Variants in COL24A1 observed in about 807,000 individuals in gnomAD.
The protein encoded by COL24A1 is collagen alpha-1(XXIV) chain.
Under a neutral mutation model 253.9 loss-of-function variants are expected in COL24A1, and 224 were observed. That is an observed-to-expected ratio of 0.88 (90% CI 0.79 to 0.99). The LOEUF (loss-of-function observed/expected upper bound fraction) is 0.99. Among genes scored for constraint, COL24A1 ranks in the 50% least tolerant of loss-of-function variants. The pLI is 0.00. For synonymous variants in COL24A1, 685 were observed against 673.7 expected (o/e 1.02, Z -0.26); for missense variants, 2,131 against 2,068.5 (o/e 1.03, Z -0.59).
chr1:86,118,209 C>T lies in COL24A1; in HGVS notation c.1492-2831G>A, dbSNP rs1404163653. The stretch of plus-strand genomic sequence containing the variant: ...TCTCGAGTAGCTGGGATTACAGGTG[C>T]GTGCCACCATGCCCAGCTAATTTTT... On this transcript the variant is annotated intron_variant, in intron 3 of 59. Coordinates refer to ENST00000370571, the MANE Select transcript of COL24A1 (RefSeq NM_152890.7). Among the ~76,000 whole-genome samples, 5 of 151,914 alleles carry T rather than the reference C, an allele frequency of 3.3e-5. No homozygotes were observed. In the East Asian group the frequency reaches 5.8e-4, roughly 18 times the overall value.
chr1:86,142,188 G>T (rs1292239809), intron 2 of COL24A1, among the ~76,000 whole-genome samples: 2 of 141,764 alleles, frequency 1.4e-5, no homozygotes, highest in African/African-American at 2.6e-5. Flanking sequence ...AGAACAGGAT[G>T]AAAAAAAAAA....
rs1402886665 is a variant in COL24A1 at position 86,124,846 on chromosome 1, G to T, written c.1490C>A (p.Pro497His). ...LRGPKGDTGP[P>H]GPPGPAGIPG... ...GATATTAAAAAAAAAAAAACTTACG[G>T]GAGGTCCAGTGTCTCCTTTTGGCCC... is the stretch of plus-strand genomic sequence containing the variant. Residue 497 changes from proline to histidine, a missense_variant and splice_region_variant, in exon 3 of 60, where the codon CCC (proline) becomes CAC (histidine). Physicochemically the swap from Pro to His is moderately conservative, Grantham distance 77. Coordinates refer to ENST00000370571, the MANE Select transcript of COL24A1 (RefSeq NM_152890.7). 1.3e-6 allele frequency: 2 copies of T among 1,529,424 alleles called. No individual in the cohort carries two copies. The highest frequency in any genetic ancestry group is 1.7e-6 in the Non-Finnish European group (2 of 1,148,730). 94.7% of individuals were successfully genotyped at this position (1,529,424 alleles called of 1,614,324 possible).
chr1:86,089,141 GAAA>G (rs775614663), intron 7 of COL24A1, 30 bp downstream of exon 7: 1 of 1,434,314 alleles, frequency 7.0e-7, no homozygotes, highest in Non-Finnish European at 9.4e-7. Flanking sequence ...AAAAAAAGAA[GAAA>G]AAAAGAAAAG....
chr1:85,978,426 G>A (rs1307145853), intron 20 of COL24A1, among the ~76,000 whole-genome samples: 2 of 151,618 alleles, frequency 1.3e-5, no homozygotes, highest in Non-Finnish European at 2.9e-5. Context: ...TCCACTTATG[G>A]CAGAATGAAA....
At chr1:85,939,374 T>C (rs1558731708) in intron 24 of COL24A1, among the ~76,000 whole-genome samples, 1 of 152,186 alleles carries the variant, frequency 6.6e-6, no homozygotes, top group Non-Finnish European at 1.5e-5. Flanking sequence ...GTAAGAACTG[T>C]TGCTATCCTT....
intron 53 of COL24A1, among the ~76,000 whole-genome samples, chr1:85,771,499 T>C (rs574845053): frequency 6.6e-6 from 1 of 152,242 alleles, no homozygotes; most frequent in East Asian, 1.9e-4. Context: ...TCCAGTCTAC[T>C]ACTGATGGAC....
At chr1:85,741,121 A>G (rs1664587316) in intron 57 of COL24A1, among the ~76,000 whole-genome samples, 1 of 149,606 alleles carries the variant, frequency 6.7e-6, no homozygotes, top group Non-Finnish European at 1.5e-5. Flanking sequence ...TCTGCCTCAA[A>G]AAAAAAAAAA....
At chr1:85,758,107 G>C (rs960633224) in intron 55 of COL24A1, among the ~76,000 whole-genome samples, 1 of 152,150 alleles carries the variant, frequency 6.6e-6, no homozygotes, top group East Asian at 1.9e-4. Context: ...GTGAAGAGCA[G>C]ATCTAGTCTA....
At position 85,743,848 on chromosome 1, in the gene COL24A1, T is replaced by C. The variant is rs553093064; in HGVS notation, c.4672+818A>G. Among the ~76,000 whole-genome samples, 103 of 152,268 alleles carry C rather than the reference T, an allele frequency of 6.8e-4. 3 individuals carry two copies. In the South Asian group the frequency reaches 0.021, roughly 30 times the overall value. ...AATGTAAACAAAATGAATGTTTTCATTGAAGTTCTAGAACGGAAGCAGATG... is the reference window on the plus strand; with the variant it reads ...AATGTAAACAAAATGAATGTTTTCACTGAAGTTCTAGAACGGAAGCAGATG... On this transcript the variant is annotated intron_variant, in intron 57 of 59. Transcript: ENST00000370571.
chr1:85,998,043 T>C (rs1315428660), intron 19 of COL24A1, among the ~76,000 whole-genome samples: 4 of 152,180 alleles, frequency 2.6e-5, no homozygotes, highest in African/African-American at 9.6e-5. Context: ...CATACACTCC[T>C]GGACTTCCTG....
At chr1:85,844,659 C>T (rs529086298) in intron 39 of COL24A1, among the ~76,000 whole-genome samples, 1 of 151,762 alleles carries the variant, frequency 6.6e-6, no homozygotes, top group African/African-American at 2.4e-5. Context: ...ACAAGAAGAA[C>T]ATAACCAAAG....
At chr1:85,985,516 G>A (rs1447709315) in intron 20 of COL24A1, among the ~76,000 whole-genome samples, 1 of 151,808 alleles carries the variant, frequency 6.6e-6, no homozygotes, top group East Asian at 1.9e-4. Flanking sequence ...GACATGATGA[G>A]ATCTATACTT....
chr1:85,813,763 G>C (rs930352023), intron 47 of COL24A1, among the ~76,000 whole-genome samples: 8 of 151,522 alleles, frequency 5.3e-5, no homozygotes, highest in African/African-American at 1.9e-4. Context: ...GTTTTAGCCG[G>C]GATGGTCTCG....
rs1434464255 is a variant in COL24A1, at chr1:86,125,793, AC to A, written c.542del (p.Cys181LeufsTer25). Reference protein sequence around the residue: ...RNQSVSMFVECGKKYFSTETI... With the variant: ...RNQSVSMFVEXGKKYFSTETI... Reference sequence around the variant, plus strand: ...TCTCTGTGCTAAAATATTTCTTTCCACACTCAACAAACATTGAGACACTTTG... The same window carrying A: ...TCTCTGTGCTAAAATATTTCTTTCCAACTCAACAAACATTGAGACACTTTG... On this transcript the variant is annotated frameshift_variant, in exon 3 of 60. Coordinates refer to ENST00000370571, the MANE Select transcript of COL24A1 (RefSeq NM_152890.7). LOFTEE classifies it high-confidence loss of function. 2 of 1,613,056 alleles carry A rather than the reference AC, an allele frequency of 1.2e-6. No individual in the cohort carries two copies. The highest frequency in any genetic ancestry group is 2.7e-5 in the African/African-American group (2 of 74,880).
chr1:85,955,144 CACA>C (rs1233016378), intron 24 of COL24A1, among the ~76,000 whole-genome samples: 1 of 152,120 alleles, frequency 6.6e-6, no homozygotes, highest in Admixed American at 6.5e-5. Context: ...AGCAGAATAA[CACA>C]ACAACAGACA....
Position 85,991,366 on chromosome 1 carries a change from G to T in COL24A1, c.2311-3712C>A, listed in dbSNP as rs569354516. ...AAGACATAGGAAATAAAACAAATAAGCCTAAATTATAGTTTTTAAAGATGC... is the reference window on the plus strand; with the variant it reads ...AAGACATAGGAAATAAAACAAATAATCCTAAATTATAGTTTTTAAAGATGC... On this transcript the variant is annotated intron_variant, in intron 19 of 59. Transcript: ENST00000370571. 5.9e-5 allele frequency among the ~76,000 whole-genome samples: 9 copies of T among 152,250 alleles called. No homozygotes were observed. The East Asian group carries it at 7.7e-4, about 13-fold the overall frequency.
At chr1:86,151,010 G>C (rs1251406926) in intron 1 of COL24A1, among the ~76,000 whole-genome samples, 1 of 151,758 alleles carries the variant, frequency 6.6e-6, no homozygotes, top group African/African-American at 2.4e-5. Flanking sequence ...AAGACAAAAA[G>C]CAAATTACTT....
chr1:85,959,537 A>G lies in COL24A1; in HGVS notation c.2562+1712T>C, dbSNP rs185129785. Among the ~76,000 whole-genome samples, 142 of 152,276 alleles carry G rather than the reference A, an allele frequency of 9.3e-4. 1 individual carries two copies. The highest frequency in any genetic ancestry group is 3.3e-3 in the African/African-American group (138 of 41,588). ...TATGTAACTTTGAACTGGTTACTCA[A>G]TGTGCTCCAGATTCCTAATTTTAAA... is the stretch of plus-strand genomic sequence containing the variant. On this transcript the variant is annotated intron_variant, in intron 24 of 59. Transcript: ENST00000370571.
chr1:86,105,162 G>A (rs575949347), intron 5 of COL24A1, among the ~76,000 whole-genome samples: 1 of 152,318 alleles, frequency 6.6e-6, no homozygotes, highest in South Asian at 2.1e-4. Flanking sequence ...CTGGAAGGCT[G>A]TGTACCTACC....
Sources: allele counts gnomAD v4.1 joint callset (sites outside exome capture counted in the v4.1 genomes callset), GRCh38; gene constraint gnomAD v4.1.1; transcripts MANE v1.5; gene names NCBI Gene and HGNC (gene_info 2026-07-23, HGNC 2026-07-21).